Variants in DDAH1 observed in about 807,000 individuals in gnomAD.
DDAH1 encodes N(G),N(G)-dimethylarginine dimethylaminohydrolase 1.
DDAH1 carries 19 observed loss-of-function variants against 28.8 expected under a neutral mutation model. That is an observed-to-expected ratio of 0.66 (90% CI 0.46 to 0.97). The LOEUF is 0.97. Among genes scored for constraint, DDAH1 ranks in the 50% least tolerant of loss-of-function variants. The pLI is 0.00. For missense variants in DDAH1, 326 were observed against 375.9 expected (o/e 0.87, Z 1.10); for synonymous variants, 153 against 154.4 (o/e 0.99, Z 0.07).
At position 85,550,762 on chromosome 1, in the gene DDAH1, C is replaced by T. The variant is rs543448962; in HGVS notation, c.-123+27222G>A. Among the ~76,000 whole-genome samples, 48 of 152,268 alleles carry T rather than the reference C, an allele frequency of 3.2e-4. No individual in the cohort carries two copies. The South Asian group carries it at 7.7e-3, about 24-fold the overall frequency. The stretch of plus-strand genomic sequence containing the variant: ...TAATAATAAAAAACACACACACACA[C>T]ACACACCATTTAGAGGCTCTCCCTG... On this transcript the variant is annotated intron_variant, in intron 1 of 6. Transcript: ENST00000426972.
At chr1:85,376,785 T>C (rs1454991589) in intron 1 of DDAH1, 1 of 150,998 alleles carries the variant, frequency 6.6e-6, no homozygotes. Flanking sequence ...TGAAATACCT[T>C]AGTGAGAATG....
At chr1:85,403,187 C>CTA (rs200393009) in intron 1 of DDAH1, among the ~76,000 whole-genome samples, 5,727 of 143,306 alleles carry the variant, frequency 0.04, 380 homozygotes, top group African/African-American at 0.14. Context: ...ATACATATAC[C>CTA]TATATATATA....
intron 2 of DDAH1, among the ~76,000 whole-genome samples, chr1:85,486,169 T>C (rs1472565753): frequency 6.6e-6 from 1 of 152,204 alleles, no homozygotes; most frequent in Non-Finnish European, 1.5e-5. Context: ...TGGAACTTAC[T>C]ATCACAATGC....
chr1:85,431,827 G>A (rs1345147103), intron 1 of DDAH1, among the ~76,000 whole-genome samples: 1 of 152,124 alleles, frequency 6.6e-6, no homozygotes, highest in African/African-American at 2.4e-5. Flanking sequence ...AGCTAGGTGA[G>A]GTGAATGATC....
intron 2 of DDAH1, among the ~76,000 whole-genome samples, chr1:85,478,659 T>TG (rs1655887618): frequency 6.6e-6 from 1 of 152,192 alleles, no homozygotes; most frequent in South Asian, 2.1e-4. Flanking sequence ...GATATTCGGG[T>TG]GGGGACACAA....
intron 1 of DDAH1, among the ~76,000 whole-genome samples, chr1:85,429,176 C>T (rs1653552341): frequency 6.6e-6 from 1 of 151,764 alleles, no homozygotes; most frequent in African/African-American, 2.4e-5. Context: ...GCCTCCCACC[C>T]CCCAGCAGGC....
At chr1:85,459,253 T>C (rs893965260) in intron 1 of DDAH1, among the ~76,000 whole-genome samples, 13 of 152,254 alleles carry the variant, frequency 8.5e-5, no homozygotes, top group African/African-American at 3.1e-4. Flanking sequence ...CCAGCATATC[T>C]GAATTACAAG....
At chr1:85,453,875 C>T (rs1416600917) in intron 1 of DDAH1, among the ~76,000 whole-genome samples, 1 of 152,158 alleles carries the variant, frequency 6.6e-6, no homozygotes, top group Non-Finnish European at 1.5e-5. Context: ...AGCCAGTGAT[C>T]TGAGAATGAC....
At chr1:85,336,865 TGATACCAAAACTAGACAAG>T (rs1648164101) in intron 4 of DDAH1, among the ~76,000 whole-genome samples, 1 of 152,076 alleles carries the variant, frequency 6.6e-6, no homozygotes, top group Admixed American at 6.5e-5. Flanking sequence ...GGGATTACCC[TGATACCAAAACTAGACAAG>T]GACACAACAA....
intron 1 of DDAH1, among the ~76,000 whole-genome samples, chr1:85,406,111 T>C (rs574092123): frequency 2.0e-5 from 3 of 152,196 alleles, no homozygotes; most frequent in Non-Finnish European, 4.4e-5. Flanking sequence ...AATGTGAAAG[T>C]TGGAGCCCAA....
chr1:85,366,071 G>A (rs1293325428), intron 1 of DDAH1, among the ~76,000 whole-genome samples: 3 of 151,178 alleles, frequency 2.0e-5, no homozygotes, highest in African/African-American at 7.3e-5. Context: ...TCTGGGAACT[G>A]AGAGCAATTC....
In DDAH1 at chr1:85,464,377, G is replaced by A. The variant is rs1655255581; in HGVS notation, c.303+366C>T. On this transcript the variant is annotated intron_variant, in intron 1 of 5. Transcript: ENST00000284031. The surrounding 1 kb of genome is among the most constrained non-coding windows in gnomAD (Gnocchi z 4.4). ...ACGCCCAGCCTCCACCCGCCCTACC[G>A]GAGCGGCACCCCTCGCGGCCCTCGC... 2 of 907,312 alleles carry A rather than the reference G, an allele frequency of 2.2e-6. No individual in the cohort carries two copies. The highest frequency in any genetic ancestry group is 3.1e-6 in the Non-Finnish European group (2 of 637,846). The allele number at this position is 907,312 out of a possible 1,614,324, so 56.2% of individuals were successfully genotyped here.
At chr1:85,337,864 C>G (rs1648237946) in intron 4 of DDAH1, among the ~76,000 whole-genome samples, 2 of 152,208 alleles carry the variant, frequency 1.3e-5, no homozygotes. Context: ...CACACTCACT[C>G]AGAGCCTGCC....
At chr1:85,358,574 A>T (rs181032733) in intron 2 of DDAH1, among the ~76,000 whole-genome samples, 174 bp downstream of exon 2, 1 of 152,254 alleles carries the variant, frequency 6.6e-6, no homozygotes, top group African/African-American at 2.4e-5. Flanking sequence ...GCTTGAACCC[A>T]GGAGGCGGAG....
chr1:85,398,587 G>A (rs919262157), intron 1 of DDAH1: 1 of 152,172 alleles, frequency 6.6e-6, no homozygotes, highest in African/African-American at 2.4e-5. Context: ...TGTGTGATGT[G>A]CGTGCCATAC....
chr1:85,397,864 T>C (rs1651883354), intron 1 of DDAH1, among the ~76,000 whole-genome samples: 1 of 152,174 alleles, frequency 6.6e-6, no homozygotes. Context: ...TCTCGCTATG[T>C]GACTCTACTG....
intron 1 of DDAH1, among the ~76,000 whole-genome samples, chr1:85,555,400 C>T (rs180981027): frequency 6.6e-6 from 1 of 152,300 alleles, no homozygotes; most frequent in African/African-American, 2.4e-5. Flanking sequence ...GGATTCATCC[C>T]AGATTTTTTA....
At chr1:85,361,313 G>C (rs1477283969) in intron 1 of DDAH1, among the ~76,000 whole-genome samples, 2 of 152,128 alleles carry the variant, frequency 1.3e-5, no homozygotes, top group Non-Finnish European at 2.9e-5. Flanking sequence ...CAAACCATGA[G>C]CCTTTAAGAA....
chr1:85,506,059 C>T (rs1657006439), intron 1 of DDAH1, among the ~76,000 whole-genome samples: 2 of 152,076 alleles, frequency 1.3e-5, no homozygotes, highest in African/African-American at 4.8e-5. Context: ...ATTCAGAATC[C>T]AGTGGGAGAA....
Sources: gnomAD v4.1 joint callset for allele counts (sites outside exome capture counted in the v4.1 genomes callset) on GRCh38, gnomAD v4.1.1 for gene constraint, Gnocchi (gnomAD v3.1) non-coding constraint, MANE v1.5 for transcripts, NCBI Gene and HGNC (gene_info 2026-07-23, HGNC 2026-07-21) for gene names.